TMCO4: variants seen among roughly 807,000 people sequenced by gnomAD.
The protein encoded by TMCO4 is transmembrane and coiled-coil domain-containing protein 4.
TMCO4 carries 58 observed loss-of-function variants against 64.7 expected under a neutral mutation model. The observed-to-expected ratio is 0.90, with a 90% CI of 0.73 to 1.12. The LOEUF is 1.12. Among genes scored for constraint, TMCO4 ranks in the 50% most tolerant of loss-of-function variants. TMCO4 has a pLI of 0.00. For synonymous variants in TMCO4, 325 were observed against 346.1 expected, an observed-to-expected ratio of 0.94 and a Z score of 0.68; for missense variants, 780 against 825.9, an observed-to-expected ratio of 0.94 and a Z score of 0.68.
In TMCO4 at chr1:19,694,457, C is replaced by T; in HGVS notation, c.1477G>A (p.Glu493Lys). Residue 493 changes from glutamate (E) to lysine (K), a missense_variant, in exon 15 of 16, where the codon GAG (glutamate) becomes AAG (lysine). By Grantham distance (56) the Glu-to-Lys change is moderately conservative. Coordinates refer to ENST00000294543, the MANE Select transcript of TMCO4 (RefSeq NM_181719.7). ...ACCACAGAGGTCAGGTCCACGTTCT[C>T]CACCCTCCTGTCCTGCAGCAGCACG... ...QPVLLQDRRV[E>K]NVDLTSVVSG... The T allele has an allele frequency of 6.2e-7, 1 of 1,614,112 alleles. No homozygotes were observed. Among genetic ancestry groups the T allele is most frequent in the Non-Finnish European group, 8.5e-7 (1 of 1,179,950 alleles).
chr1:19,772,563 T>C (rs1396399161), intron 4 of TMCO4, among the ~76,000 whole-genome samples: 1 of 152,150 alleles, frequency 6.6e-6, no homozygotes, highest in Non-Finnish European at 1.5e-5. Flanking sequence ...CAGCCACCTC[T>C]GTGGAGCAGG....
At chr1:19,798,392 G>A (rs1007893565) in intron 1 of TMCO4, among the ~76,000 whole-genome samples, 177 bp from the exon 2 acceptor site, 15 of 152,140 alleles carry the variant, frequency 9.9e-5, no homozygotes, top group African/African-American at 3.6e-4. Context: ...AGCTTTTGTG[G>A]GAGCTACATG....
At chr1:19,796,264 A>G (rs1297548016) in intron 2 of TMCO4, among the ~76,000 whole-genome samples, 1 of 152,124 alleles carries the variant, frequency 6.6e-6, no homozygotes, top group East Asian at 1.9e-4. Flanking sequence ...GTGACCTCAA[A>G]CCCCAAGTCC....
intron 15 of TMCO4, among the ~76,000 whole-genome samples, chr1:19,691,070 G>T (rs1165530341): frequency 6.6e-6 from 1 of 151,956 alleles, no homozygotes; most frequent in Non-Finnish European, 1.5e-5. Context: ...GAGTTTCACT[G>T]TGTTAGCCAG....
chr1:19,770,515 T>C (rs1173862016), intron 6 of TMCO4, 27 bp downstream of exon 6: 1 of 1,613,642 alleles, frequency 6.2e-7, no homozygotes, highest in Non-Finnish European at 8.5e-7. Context: ...GTACCCACCA[T>C]TTACAGAGCT....
intron 13 of TMCO4, among the ~76,000 whole-genome samples, chr1:19,735,461 C>T (rs933911878): frequency 2.6e-5 from 4 of 152,114 alleles, no homozygotes; most frequent in African/African-American, 7.2e-5. Context: ...GTGGGAGCAG[C>T]GAGCAGGAAA....
intron 6 of TMCO4, among the ~76,000 whole-genome samples, chr1:19,761,911 G>A (rs922588045): frequency 2.0e-5 from 3 of 152,334 alleles, no homozygotes; most frequent in African/African-American, 4.8e-5. Context: ...AAGGGAACCC[G>A]GCATCCCTGG....
chr1:19,723,202 C>T (rs576018916), intron 13 of TMCO4, among the ~76,000 whole-genome samples: 1 of 152,356 alleles, frequency 6.6e-6, no homozygotes, highest in South Asian at 2.1e-4. Flanking sequence ...ATCCGAAAAT[C>T]TGAAATGCTG....
intron 13 of TMCO4, among the ~76,000 whole-genome samples, chr1:19,714,006 A>G (rs2100697789): frequency 6.6e-6 from 1 of 152,236 alleles, no homozygotes; most frequent in East Asian, 1.9e-4. Context: ...GTGTGATCTC[A>G]GCTCACTGCA....
At chr1:19,760,419 T>C (rs2042447674) in intron 6 of TMCO4, among the ~76,000 whole-genome samples, 1 of 152,092 alleles carries the variant, frequency 6.6e-6, no homozygotes, top group Non-Finnish European at 1.5e-5. Context: ...TCCGTATCTT[T>C]TTCTTTTCTT....
chr1:19,750,639 C>T (rs551034082), intron 7 of TMCO4, among the ~76,000 whole-genome samples: 5 of 152,308 alleles, frequency 3.3e-5, no homozygotes, highest in South Asian at 2.1e-4. Flanking sequence ...GTGACACTTA[C>T]GCCCTCTGTG....
intron 4 of TMCO4, among the ~76,000 whole-genome samples, chr1:19,780,342 G>C (rs1054073025): frequency 6.6e-6 from 1 of 152,170 alleles, no homozygotes; most frequent in African/African-American, 2.4e-5. Flanking sequence ...AGGAGGCAGA[G>C]GTCAGGCAGT....
rs958518198 is a variant in TMCO4 at position 19,683,351 on chromosome 1, A to C, written c.1594T>G (p.Leu532Val). ...TKPGWDEKGL[L>V]LAPGCLPSEE... is the part of the protein sequence containing the mutation. ...GAGGGCAGGCAGCCTGGGGCCAGCA[A>C]GAGCCCCTTCTCGTCCCAGCCTGGC... The change falls in exon 16 of 16, where the codon TTG (leucine) becomes GTG (valine). Residue 532 changes from leucine (L) to valine (V), a missense_variant. Coordinates refer to ENST00000294543, the MANE Select transcript of TMCO4 (RefSeq NM_181719.7). 5.0e-6 allele frequency: 8 copies of C among 1,613,892 alleles called. No individual in the cohort carries two copies. Among genetic ancestry groups the C allele is most frequent in the Non-Finnish European group, 5.9e-6 (7 of 1,179,998 alleles).
intron 12 of TMCO4, 52 bp from the exon 13 acceptor site, chr1:19,737,508 A>C (rs1389197028): frequency 6.4e-7 from 1 of 1,572,678 alleles, no homozygotes; most frequent in South Asian, 1.1e-5. Context: ...CAGTTCTAGC[A>C]AAACATCAGG....
At chr1:19,711,071 CA>C (rs1312549543) in intron 13 of TMCO4, among the ~76,000 whole-genome samples, 1 of 152,214 alleles carries the variant, frequency 6.6e-6, no homozygotes, top group Non-Finnish European at 1.5e-5. Context: ...TTTGAGTTAA[CA>C]ATAGAACTTT....
rs1334590789 is a variant in TMCO4 at position 19,734,183 on chromosome 1, C to G, written c.1264+3189G>C. Among the ~76,000 whole-genome samples, 2 of 152,126 alleles carry G rather than the reference C, an allele frequency of 1.3e-5. No homozygotes were observed. The highest frequency in any genetic ancestry group is 2.9e-5 in the Non-Finnish European group (2 of 68,032). On this transcript the variant is annotated intron_variant, in intron 13 of 15. Transcript: ENST00000294543. The surrounding 1 kb of genome is among the most constrained non-coding windows in gnomAD (Gnocchi z 4.4). ...CCAAGAGGGAACAATGGAAATAGAG[C>G]TTGGTCTGCTGGAGCCCGGCATGTG... is the stretch of plus-strand genomic sequence containing the variant.
In TMCO4 at chr1:19,732,753, T is replaced by G. The variant is rs114179376; in HGVS notation, c.1264+4619A>C. ...AAAAATGAAGAATGTGTTTAGAGTTTTCTGGGCCCAAGTTCTTTTTTCTGA... is the reference window on the plus strand; with the variant it reads ...AAAAATGAAGAATGTGTTTAGAGTTGTCTGGGCCCAAGTTCTTTTTTCTGA... On this transcript the variant is annotated intron_variant, in intron 13 of 15. Coordinates refer to ENST00000294543, the MANE Select transcript of TMCO4 (RefSeq NM_181719.7). This position sits in a 1 kb window ranked among gnomAD's most constrained non-coding sequence, Gnocchi z 4.8. Among the ~76,000 whole-genome samples the G allele has an allele frequency of 8.6e-3, 1,304 of 151,964 alleles. 15 individuals carry two copies. Among genetic ancestry groups the G allele is most frequent in the African/African-American group, 0.03 (1,262 of 41,460 alleles).
intron 3 of TMCO4, among the ~76,000 whole-genome samples, chr1:19,782,930 C>T (rs2043559709): frequency 1.3e-5 from 2 of 152,198 alleles, no homozygotes; most frequent in Admixed American, 1.3e-4. Context: ...ACAGTATCTA[C>T]CTAGAAGAGC....
chr1:19,736,042 T>G (rs1052642921), intron 13 of TMCO4, among the ~76,000 whole-genome samples: 1 of 152,156 alleles, frequency 6.6e-6, no homozygotes, highest in Non-Finnish European at 1.5e-5. Context: ...TGACTACAAC[T>G]GCATGACTAA....
Sources: allele counts gnomAD v4.1 joint callset (sites outside exome capture counted in the v4.1 genomes callset), GRCh38; gene constraint gnomAD v4.1.1; non-coding constraint Gnocchi (gnomAD v3.1); transcripts MANE v1.5; gene names NCBI Gene and HGNC (gene_info 2026-07-23, HGNC 2026-07-21).